The following FHIT variants were observed in gnomAD, a reference collection of about 807,000 sequenced individuals.
The protein encoded by FHIT is bis(5'-adenosyl)-triphosphatase.
Under a neutral mutation model 17.9 loss-of-function variants are expected in FHIT, and 19 were observed. The ratio of observed to expected loss-of-function variants is 1.06; its 90% CI spans 0.74 to 1.56. The LOEUF (loss-of-function observed/expected upper bound fraction) is 1.56, where lower values mean the gene tolerates loss of function less well. FHIT is among the 40% of genes most tolerant of loss of function. The probability of loss-of-function intolerance (pLI) is 0.00; values close to 1 mark genes in which losing one functional copy is unlikely to be tolerated. For synonymous variants in FHIT, 81 were observed against 69.7 expected (o/e 1.16, Z -0.81); for missense variants, 248 against 189.2 (o/e 1.31, Z -1.82).
At chr3:60,020,020 T>A (rs1027817578) in intron 5 of FHIT, among the ~76,000 whole-genome samples, 1 of 152,126 alleles carries the variant, frequency 6.6e-6, no homozygotes, top group African/African-American at 2.4e-5. Flanking sequence ...TCAACACCAG[T>A]GAGAATGGGC....
intron 4 of FHIT, among the ~76,000 whole-genome samples, chr3:60,802,199 T>C (rs1701215497): frequency 6.6e-6 from 1 of 152,160 alleles, no homozygotes; most frequent in Admixed American, 6.5e-5. Flanking sequence ...ACTCAAATGG[T>C]TGTGGAATCA....
intron 5 of FHIT, among the ~76,000 whole-genome samples, chr3:60,305,754 G>A (rs894358874): frequency 6.6e-6 from 1 of 152,068 alleles, no homozygotes; most frequent in Non-Finnish European, 1.5e-5. Flanking sequence ...ATAGACTGTC[G>A]ATTTGTTTTG....
intron 5 of FHIT, chr3:60,077,375 G>A (rs887534155): frequency 6.6e-6 from 1 of 151,880 alleles, no homozygotes; most frequent in Non-Finnish European, 1.5e-5. Context: ...CATACCTGAT[G>A]TCCAGATCTT....
intron 8 of FHIT, among the ~76,000 whole-genome samples, chr3:59,828,385 A>G (rs1026307609): frequency 2.0e-5 from 3 of 152,206 alleles, no homozygotes; most frequent in Admixed American, 6.5e-5. Context: ...CTTCTAAGAA[A>G]TCAATATAAT....
chr3:60,287,495 G>A (rs2106638231), intron 5 of FHIT, among the ~76,000 whole-genome samples: 1 of 152,304 alleles, frequency 6.6e-6, no homozygotes, highest in Non-Finnish European at 1.5e-5. Flanking sequence ...TCTGACATTA[G>A]ACTGCTGAGA....
intron 8 of FHIT, among the ~76,000 whole-genome samples, chr3:59,860,374 G>A (rs1702354647): frequency 6.6e-6 from 1 of 152,220 alleles, no homozygotes; most frequent in African/African-American, 2.4e-5. Flanking sequence ...GAGAAAAACT[G>A]ATTGCTAGAT....
At chr3:60,132,114 C>A (rs1380303874) in intron 5 of FHIT, among the ~76,000 whole-genome samples, 1 of 152,128 alleles carries the variant, frequency 6.6e-6, no homozygotes, top group East Asian at 1.9e-4. Context: ...GAGACAGAAC[C>A]CTCCTCCAGA....
chr3:60,461,313 C>A (rs2032448710), intron 5 of FHIT, among the ~76,000 whole-genome samples: 1 of 152,116 alleles, frequency 6.6e-6, no homozygotes, highest in African/African-American at 2.4e-5. Flanking sequence ...AGACGTAGAG[C>A]ACATTATGCA....
chr3:60,514,423 G>C (rs2035069444), intron 5 of FHIT, among the ~76,000 whole-genome samples: 1 of 152,204 alleles, frequency 6.6e-6, no homozygotes, highest in South Asian at 2.1e-4. Context: ...AGTGGGCTGA[G>C]TAAAACTAGC....
chr3:60,743,136 T>A (rs781844607), intron 4 of FHIT, among the ~76,000 whole-genome samples: 12 of 152,156 alleles, frequency 7.9e-5, no homozygotes, highest in Admixed American at 1.3e-4. Context: ...TGAATCAGAA[T>A]CTACACTGCA....
intron 3 of FHIT, among the ~76,000 whole-genome samples, chr3:60,998,731 C>T (rs1205166274): frequency 6.6e-6 from 1 of 152,044 alleles, no homozygotes. Flanking sequence ...AATGCATTTA[C>T]ATTTTATTAG....
chr3:60,849,100 T>C (rs1703040466), intron 3 of FHIT, among the ~76,000 whole-genome samples: 1 of 152,128 alleles, frequency 6.6e-6, no homozygotes, highest in Admixed American at 6.6e-5. Flanking sequence ...AACCATTTCC[T>C]GAAAGGGAAA....
chr3:60,431,236 C>A lies in FHIT; in HGVS notation c.103+105624G>T, dbSNP rs1005235559. Among the ~76,000 whole-genome samples the A allele has an allele frequency of 4.0e-5, 6 of 151,448 alleles. No homozygotes were observed. In the South Asian group the frequency reaches 8.4e-4, roughly 21 times the overall value. ...AAAAGAAAAAAAAAAAAAAGAATGACCATTAACTTCATTCTATCCCTTACA... is the reference window on the plus strand; with the variant it reads ...AAAAGAAAAAAAAAAAAAAGAATGAACATTAACTTCATTCTATCCCTTACA... On this transcript the variant is annotated intron_variant, in intron 5 of 9. Coordinates refer to ENST00000492590, the MANE Select transcript of FHIT (RefSeq NM_002012.4).
At chr3:60,599,804 T>A (rs1438303398) in intron 4 of FHIT, among the ~76,000 whole-genome samples, 1 of 152,076 alleles carries the variant, frequency 6.6e-6, no homozygotes, top group African/African-American at 2.4e-5. Context: ...TGAACAGCTA[T>A]CGTTCTTGCC....
intron 2 of FHIT, among the ~76,000 whole-genome samples, chr3:61,101,186 G>C (rs972502241): frequency 2.0e-5 from 3 of 152,106 alleles, no homozygotes; most frequent in Admixed American, 6.6e-5. Context: ...GGGTTTTTAT[G>C]GTTTTAGGTC....
intron 5 of FHIT, among the ~76,000 whole-genome samples, chr3:60,530,292 G>A (rs189721724): frequency 1.6e-3 from 243 of 152,316 alleles, no homozygotes; most frequent in Non-Finnish European, 1.2e-3. Flanking sequence ...TAGTCTAGAT[G>A]AGGTCTAGAG....
At chr3:59,908,208 C>A (rs1367016849) in intron 8 of FHIT, among the ~76,000 whole-genome samples, 1 of 152,212 alleles carries the variant, frequency 6.6e-6, no homozygotes, top group Admixed American at 6.5e-5. Flanking sequence ...ATTTGAGACT[C>A]TAAGAGTAGA....
chr3:59,953,459 C>T (rs115672801), intron 7 of FHIT, among the ~76,000 whole-genome samples: 273 of 152,248 alleles, frequency 1.8e-3, no homozygotes, highest in African/African-American at 4.6e-3. Flanking sequence ...ACATGATTCC[C>T]GGCCAGGTAT....
At chr3:61,036,336 C>T (rs376802225) in intron 3 of FHIT, among the ~76,000 whole-genome samples, 18 of 152,014 alleles carry the variant, frequency 1.2e-4, no homozygotes, top group African/African-American at 4.1e-4. Flanking sequence ...TCTAATCACC[C>T]CCTACCAGGC....
Sources: allele counts gnomAD v4.1 joint callset (sites outside exome capture counted in the v4.1 genomes callset), GRCh38; gene constraint gnomAD v4.1.1; transcripts MANE v1.5; gene names NCBI Gene and HGNC (gene_info 2026-07-23, HGNC 2026-07-21).